GARNL3: variants seen among roughly 807,000 people sequenced by gnomAD.
The protein encoded by GARNL3 is GTPase activating Rap/RanGAP domain like 3.
GARNL3 carries 63 observed loss-of-function variants against 125.0 expected under a neutral mutation model. That is an observed-to-expected ratio of 0.50 (90% CI 0.41 to 0.62). GARNL3 has a LOEUF of 0.62. Ranked by LOEUF, GARNL3 falls within the 20% of genes least tolerant of loss-of-function variation. The probability of loss-of-function intolerance (pLI) is 0.00; values close to 1 mark genes in which losing one functional copy is unlikely to be tolerated. For synonymous variants in GARNL3, 439 were observed against 457.5 expected, an observed-to-expected ratio of 0.96 and a Z score of 0.52; for missense variants, 994 against 1,244.0, an observed-to-expected ratio of 0.80 and a Z score of 3.02.
intron 2 of GARNL3, among the ~76,000 whole-genome samples, chr9:127,304,522 G>A (rs1371579318): frequency 7.3e-6 from 1 of 136,934 alleles, no homozygotes; most frequent in East Asian, 2.1e-4. Context: ...GGTCATAGTG[G>A]CTTTATTCTT....
intron 2 of GARNL3, among the ~76,000 whole-genome samples, chr9:127,306,403 C>T (rs772419173): frequency 2.0e-5 from 3 of 151,596 alleles, no homozygotes; most frequent in Non-Finnish European, 2.9e-5. Context: ...GCCAACGTGA[C>T]GAAACCCCGT....
chr9:127,290,500 C>T lies in GARNL3; in HGVS notation c.145-668C>T, dbSNP rs542280548. ...TTAAAGGCTAAAAAAAGATGTGTTGCTTTCCCAAGTCACTACTGAGAAAAT... is the reference window on the plus strand; with the variant it reads ...TTAAAGGCTAAAAAAAGATGTGTTGTTTTCCCAAGTCACTACTGAGAAAAT... On this transcript the variant is annotated intron_variant, in intron 1 of 27. Coordinates refer to ENST00000373387, the MANE Select transcript of GARNL3 (RefSeq NM_032293.5). Among the ~76,000 whole-genome samples the T allele has an allele frequency of 1.1e-4, 17 of 152,304 alleles. No individual in the cohort carries two copies. In the East Asian group the frequency reaches 3.3e-3, roughly 29 times the overall value.
chr9:127,230,157 G>A (rs928438812), intron 1 of GARNL3, among the ~76,000 whole-genome samples: 2 of 152,220 alleles, frequency 1.3e-5, no homozygotes, highest in East Asian at 1.9e-4. Flanking sequence ...TTTGGAGTGA[G>A]ACAGACTTGG....
At chr9:127,231,085 A>G (rs377418661) in intron 1 of GARNL3, among the ~76,000 whole-genome samples, 8 of 117,586 alleles carry the variant, frequency 6.8e-5, no homozygotes, top group African/African-American at 2.9e-4. Flanking sequence ...GACAGAGTCT[A>G]GCTTTGTCAC....
intron 27 of GARNL3, among the ~76,000 whole-genome samples, chr9:127,391,533 A>AAAATATAT: frequency 1.3e-5 from 1 of 75,868 alleles, no homozygotes; most frequent in East Asian, 3.9e-4. Context: ...ACAAAAAAAA[A>AAAATATAT]ATATATATAT....
chr9:127,245,468 T>C, intron 2 of GARNL3: 1 of 152,294 alleles, frequency 6.6e-6, no homozygotes, highest in South Asian at 2.1e-4. Context: ...CGGCAGATTC[T>C]GGACTTGCGT....
chr9:127,235,275 T>C (rs547370046), intron 1 of GARNL3, among the ~76,000 whole-genome samples: 1 of 151,862 alleles, frequency 6.6e-6, no homozygotes, highest in Admixed American at 6.6e-5. Flanking sequence ...AGTAGCCACC[T>C]GTGGTTGGTG....
At chr9:127,310,909 G>C (rs2065077751) in intron 2 of GARNL3, among the ~76,000 whole-genome samples, 1 of 152,126 alleles carries the variant, frequency 6.6e-6, no homozygotes, top group African/African-American at 2.4e-5. Context: ...TGTCAGATTG[G>C]CATTGTGTTG....
rs373629034 is a variant in GARNL3 at position 127,309,400 on chromosome 9, T to C, written c.220-2236T>C. ...GCATATAAAATGCTTAGCCTAATAC[T>C]TGGCATTTAGCACTCTCTCAATGCA... On this transcript the variant is annotated intron_variant, in intron 2 of 27. Transcript: ENST00000373387. Among the ~76,000 whole-genome samples, 46 of 152,316 alleles carry C rather than the reference T, an allele frequency of 3.0e-4. 1 individual carries two copies. The South Asian group carries it at 9.3e-3, about 31-fold the overall frequency.
chr9:127,390,526 T>C (rs1832766305), intron 26 of GARNL3, 115 bp from the exon 27 acceptor site: 1 of 892,986 alleles, frequency 1.1e-6, no homozygotes, highest in South Asian at 1.7e-5. Flanking sequence ...ATCATCTTTC[T>C]TCCTGACTCT....
chr9:127,333,025 A>G lies in GARNL3; in HGVS notation c.673A>G (p.Ile225Val), dbSNP rs1184065947. Residue 225 changes from isoleucine (I) to valine (V), a missense_variant and splice_region_variant, in exon 9 of 28, where the codon ATT (isoleucine) becomes GTT (valine). Transcript: ENST00000373387. ...LTDDEMFSNEIGSEPFQKFLN... is the reference protein window; with the variant it reads ...LTDDEMFSNEVGSEPFQKFLN... ...TCATACTCTACTTCTTCCTGCAGAA[A>G]TTGGAAGCGAGCCTTTTCAAAAATT... is the stretch of plus-strand genomic sequence containing the variant. The G allele has an allele frequency of 1.2e-6, 2 of 1,610,692 alleles. No individual in the cohort carries two copies. Among genetic ancestry groups the G allele is most frequent in the East Asian group, 2.2e-5 (1 of 44,880 alleles).
intron 22 of GARNL3, among the ~76,000 whole-genome samples, chr9:127,379,284 G>A (rs961562126): frequency 1.3e-5 from 2 of 152,194 alleles, no homozygotes; most frequent in African/African-American, 4.8e-5. Flanking sequence ...TTTACACTGA[G>A]TTGGGTTTTG....
intron 9 of GARNL3, among the ~76,000 whole-genome samples, chr9:127,333,639 A>G (rs1319264914): frequency 6.6e-6 from 1 of 152,088 alleles, no homozygotes; most frequent in African/African-American, 2.4e-5. Flanking sequence ...GAATAATTGG[A>G]GGGTCTCGAG....
chr9:127,236,303 T>C (rs1015219999), intron 1 of GARNL3, among the ~76,000 whole-genome samples: 1 of 152,236 alleles, frequency 6.6e-6, no homozygotes, highest in Non-Finnish European at 1.5e-5. Context: ...TTCTCAACTA[T>C]TTTATGTTTT....
chr9:127,299,184 G>T (rs2064701362), intron 2 of GARNL3, among the ~76,000 whole-genome samples: 1 of 151,868 alleles, frequency 6.6e-6, no homozygotes, highest in Admixed American at 6.6e-5. Context: ...GGGTGTGCTG[G>T]CGGGTGCCTG....
At chr9:127,382,365 A>G (rs1454794842) in intron 22 of GARNL3, among the ~76,000 whole-genome samples, 5 of 152,000 alleles carry the variant, frequency 3.3e-5, no homozygotes, top group Admixed American at 3.3e-4. Flanking sequence ...TGGCTAAAAC[A>G]TGATGGTTTG....
At chr9:127,345,637 T>C (rs1830096514) in intron 16 of GARNL3, among the ~76,000 whole-genome samples, 160 bp downstream of exon 16, 1 of 152,214 alleles carries the variant, frequency 6.6e-6, no homozygotes, top group Non-Finnish European at 1.5e-5. Flanking sequence ...GGCCATTTAG[T>C]GAGAGCCTCT....
chr9:127,252,085 T>A (rs1371065063), intron 2 of GARNL3, among the ~76,000 whole-genome samples: 4 of 152,232 alleles, frequency 2.6e-5, no homozygotes, highest in Non-Finnish European at 4.4e-5. Flanking sequence ...TATCGCCCTT[T>A]GTCAAAATAG....
rs970866876 is a variant in GARNL3, at chr9:127,364,703, T to A, written c.2095-597T>A. On this transcript the variant is annotated intron_variant, in intron 21 of 27. Transcript: ENST00000373387. This position sits in a 1 kb window ranked among gnomAD's most constrained non-coding sequence, Gnocchi z 4.2. ...CATGAAGAACAGAGAAAGAATAAAGTGTGAAGACATGCCGTGGCGATTTTA... is the reference window on the plus strand; with the variant it reads ...CATGAAGAACAGAGAAAGAATAAAGAGTGAAGACATGCCGTGGCGATTTTA... 6.6e-6 allele frequency: 1 copy of A among 152,344 alleles called. No homozygotes were observed. The highest frequency in any genetic ancestry group is 1.5e-5 in the Non-Finnish European group (1 of 68,236). The allele number at this position is 152,344 out of a possible 1,614,324, so 9.4% of individuals were successfully genotyped here. A position where few individuals can be genotyped will look rare whatever the true frequency, so the allele number is the denominator to read the frequency against.
Sources: allele counts gnomAD v4.1 joint callset (sites outside exome capture counted in the v4.1 genomes callset), GRCh38; gene constraint gnomAD v4.1.1; non-coding constraint Gnocchi (gnomAD v3.1); transcripts MANE v1.5; gene names NCBI Gene and HGNC (gene_info 2026-07-23, HGNC 2026-07-21).